KCNQ3: variants seen among roughly 807,000 people sequenced by gnomAD.
The protein encoded by KCNQ3 is potassium voltage-gated channel subfamily KQT member 3.
KCNQ3 carries 30 observed loss-of-function variants against 92.5 expected under a neutral mutation model. The ratio of observed to expected loss-of-function variants is 0.32; its 90% CI spans 0.24 to 0.44. The LOEUF is 0.44. Among genes scored for constraint, KCNQ3 ranks in the 20% least tolerant of loss-of-function variants. KCNQ3 has a pLI of 1.00. For synonymous variants in KCNQ3, 450 were observed against 468.8 expected (o/e 0.96, Z 0.52); for missense variants, 913 against 1,140.3 (o/e 0.80, Z 2.87).
At chr8:132,402,964 G>C (rs1820377925) in intron 1 of KCNQ3, among the ~76,000 whole-genome samples, 2 of 128,848 alleles carry the variant, frequency 1.6e-5, no homozygotes, top group Admixed American at 1.9e-4. Flanking sequence ...ATTGCAGTGA[G>C]CCAAGATCGT....
chr8:132,221,591 T>G (rs1031091260), intron 1 of KCNQ3, among the ~76,000 whole-genome samples: 19 of 152,242 alleles, frequency 1.2e-4, no homozygotes, highest in Non-Finnish European at 7.3e-5. Context: ...TTTTCATGTG[T>G]CTGTTGCCTG....
intron 1 of KCNQ3, among the ~76,000 whole-genome samples, chr8:132,190,584 T>G (rs895844318): frequency 6.6e-5 from 10 of 152,166 alleles, no homozygotes; most frequent in Non-Finnish European, 1.3e-4. Flanking sequence ...GGACCTGTTC[T>G]GGAACTGCAA....
At chr8:132,224,752 T>C (rs1814354641) in intron 1 of KCNQ3, among the ~76,000 whole-genome samples, 1 of 123,028 alleles carries the variant, frequency 8.1e-6, no homozygotes, top group African/African-American at 2.8e-5. Flanking sequence ...TTGATTTTGA[T>C]ACTTTTTTTT....
In KCNQ3 at chr8:132,187,729, A is replaced by ATAGTGATGATGGTGGTGGTGGTGG. The variant is rs1563795467; in HGVS notation, c.387-1572_387-1549dup. ...GGTGGTGGTGGTGGTGATGGTGGTG[A>ATAGTGATGATGGTGGTGGTGGTGG]TAGTGATGATGGTGGTGGTGGTGGT... is the stretch of plus-strand genomic sequence containing the variant. On this transcript the variant is annotated intron_variant, in intron 1 of 14. Coordinates refer to ENST00000388996, the MANE Select transcript of KCNQ3 (RefSeq NM_004519.4). 9.0e-5 allele frequency among the ~76,000 whole-genome samples: 11 copies of ATAGTGATGATGGTGGTGGTGGTGG among 122,234 alleles called. No homozygotes were observed. In the South Asian group the frequency reaches 3.1e-3, roughly 34 times the overall value. 80.2% of individuals were successfully genotyped at this position (122,234 alleles called of 152,430 possible).
intron 1 of KCNQ3, among the ~76,000 whole-genome samples, chr8:132,470,505 C>T (rs573334180): frequency 2.1e-4 from 32 of 152,104 alleles, no homozygotes; most frequent in Non-Finnish European, 4.0e-4. Flanking sequence ...TGTGCCGAAC[C>T]ATTTGAAAGT....
chr8:132,318,796 G>A (rs377214766), intron 1 of KCNQ3, among the ~76,000 whole-genome samples: 10 of 152,310 alleles, frequency 6.6e-5, no homozygotes, highest in Admixed American at 4.6e-4. Flanking sequence ...GAAACACTGC[G>A]TTAGGCACTA....
At chr8:132,447,607 G>T (rs1033578163) in intron 1 of KCNQ3, among the ~76,000 whole-genome samples, 1 of 152,198 alleles carries the variant, frequency 6.6e-6, no homozygotes, top group African/African-American at 2.4e-5. Flanking sequence ...CCATAAGGGA[G>T]ATAAGATAAA....
intron 2 of KCNQ3, 131 bp from the exon 3 acceptor site, chr8:132,184,498 CTGGGGA>C: frequency 1.5e-6 from 1 of 646,854 alleles, no homozygotes; most frequent in Non-Finnish European, 2.6e-6. Context: ...GCAGGGATGG[CTGGGGA>C]TGGGGGTGGG....
chr8:132,135,339 C>T (rs1248965599), intron 12 of KCNQ3, among the ~76,000 whole-genome samples: 4 of 152,018 alleles, frequency 2.6e-5, no homozygotes, highest in East Asian at 3.9e-4. Flanking sequence ...TTGCCTATCA[C>T]GCTGTAGGTT....
rs1824631172 is a variant in KCNQ3, at chr8:132,125,335, G to A, written c.*3927C>T. On this transcript the variant is annotated 3_prime_UTR_variant, in exon 15 of 15. Coordinates refer to ENST00000388996, the MANE Select transcript of KCNQ3 (RefSeq NM_004519.4). ...TTTTCTATAGTTTCCAAGCTAGGAA[G>A]CATTTCTGTCTGTATAGAGTTGTTT... The A allele has an allele frequency of 6.6e-6, 1 of 152,168 alleles. No homozygotes were observed. Among genetic ancestry groups the A allele is most frequent in the African/African-American group, 2.4e-5 (1 of 41,430 alleles). The allele number at this position is 152,168 out of a possible 1,614,324, so 9.4% of individuals were successfully genotyped here.
chr8:132,293,739 T>A (rs750513945), intron 1 of KCNQ3, among the ~76,000 whole-genome samples: 3 of 152,144 alleles, frequency 2.0e-5, no homozygotes, highest in Admixed American at 2.0e-4. Context: ...TCTTTGGGTC[T>A]TGATTACTGA....
intron 1 of KCNQ3, among the ~76,000 whole-genome samples, chr8:132,455,387 G>GT (rs1198695954): frequency 6.6e-6 from 1 of 151,906 alleles, no homozygotes; most frequent in Non-Finnish European, 1.5e-5. Context: ...GATTATAGGC[G>GT]TAAGCCACTG....
intron 1 of KCNQ3, among the ~76,000 whole-genome samples, chr8:132,279,059 TA>T (rs201274123): frequency 5.4e-5 from 8 of 149,034 alleles, no homozygotes; most frequent in African/African-American, 1.2e-4. Context: ...CTACTAGAAA[TA>T]AAAAAAAAAT....
intron 1 of KCNQ3, among the ~76,000 whole-genome samples, chr8:132,191,005 A>G (rs1017664031): frequency 6.6e-6 from 1 of 152,220 alleles, no homozygotes. Flanking sequence ...ATGTTTAGAG[A>G]ATGAATACAA....
At chr8:132,147,351 AT>A (rs917117955) in intron 9 of KCNQ3, among the ~76,000 whole-genome samples, 4 of 149,352 alleles carry the variant, frequency 2.7e-5, no homozygotes, top group African/African-American at 9.9e-5. Flanking sequence ...ATCATAAGCT[AT>A]TTTTTTTGGA....
chr8:132,168,982 A>C (rs1285293525), intron 8 of KCNQ3, among the ~76,000 whole-genome samples: 3 of 152,124 alleles, frequency 2.0e-5, no homozygotes, highest in Non-Finnish European at 4.4e-5. Context: ...CCATACGCTT[A>C]ACAATCTGAG....
At chr8:132,247,964 T>G (rs1815242145) in intron 1 of KCNQ3, among the ~76,000 whole-genome samples, 1 of 100,376 alleles carries the variant, frequency 1.0e-5, no homozygotes, top group Non-Finnish European at 2.4e-5. Flanking sequence ...GCCCCAGGAG[T>G]GAGCACTATT....
At position 132,130,168 on chromosome 8, in the gene KCNQ3, C is replaced by T. The variant is rs543613881; in HGVS notation, c.1885-172G>A. Among the ~76,000 whole-genome samples, 28 of 150,694 alleles carry T rather than the reference C, an allele frequency of 1.9e-4. 1 individual carries two copies. In the South Asian group the frequency reaches 5.5e-3, roughly 30 times the overall value. ...CGCGATCTGGGCTCATTGCAACTTC[C>T]GCCTCCCGGGTTCAAGCAGTTCTAT... On this transcript the variant is annotated intron_variant, in intron 14 of 14. Transcript: ENST00000388996.
At chr8:132,199,377 CCTAA>C (rs796157763) in intron 1 of KCNQ3, among the ~76,000 whole-genome samples, 2 of 152,154 alleles carry the variant, frequency 1.3e-5, no homozygotes, top group African/African-American at 2.4e-5. Context: ...GCAATTATAA[CCTAA>C]CTTTTTGTTA....
Sources: allele counts gnomAD v4.1 joint callset (sites outside exome capture counted in the v4.1 genomes callset), GRCh38; gene constraint gnomAD v4.1.1; transcripts MANE v1.5; gene names NCBI Gene and HGNC (gene_info 2026-07-23, HGNC 2026-07-21).